Variants in INTS3 observed in about 807,000 individuals in gnomAD.
The protein encoded by INTS3 is SOSS complex subunit A.
INTS3 carries 34 observed loss-of-function variants against 146.3 expected under a neutral mutation model. That is an observed-to-expected ratio of 0.23 (90% CI 0.18 to 0.31). The LOEUF is 0.31. Ranked by LOEUF, INTS3 falls within the 10% of genes least tolerant of loss-of-function variation. The pLI, the probability that INTS3 is intolerant of heterozygous loss-of-function variation, is 1.00. For missense variants in INTS3, 757 were observed against 1,304.2 expected (o/e 0.58, Z 6.46); for synonymous variants, 475 against 494.9 (o/e 0.96, Z 0.53).
chr1:153,771,869 C>T lies in INTS3; in HGVS notation c.2626C>T (p.Leu876=). The change falls in exon 26 of 30, where the codon CTG becomes TTG. Residue 876 remains leucine (L), a synonymous_variant. Transcript: ENST00000318967. ...HPDDQFTTSI[L]RHWCMKHDEL... ...TGACGACCAGTTCACCACCAGCATCCTGCGGCACTGGTGCATGAAACATGA... is the reference window on the plus strand; with the variant it reads ...TGACGACCAGTTCACCACCAGCATCTTGCGGCACTGGTGCATGAAACATGA... 6.2e-7 allele frequency: 1 copy of T among 1,614,108 alleles called. No homozygotes were observed. Among genetic ancestry groups the T allele is most frequent in the Non-Finnish European group, 8.5e-7 (1 of 1,179,984 alleles).
intron 15 of INTS3, 139 bp downstream of exon 15, chr1:153,762,986 C>A: frequency 8.5e-7 from 1 of 1,182,202 alleles, no homozygotes. Flanking sequence ...CTGGATGAGA[C>A]TCCAGAATGC....
In INTS3 at chr1:153,773,377, T is replaced by TC; in HGVS notation, c.*111dup. On this transcript the variant is annotated 3_prime_UTR_variant, in exon 30 of 30. Coordinates refer to ENST00000318967, the MANE Select transcript of INTS3 (RefSeq NM_023015.5). ...TTGCAGGGGAAACACCCTTGCTGCA[T>TC]CCCCAAGCTCCCCCGGTGGAAGGAG... The TC allele has an allele frequency of 9.7e-7, 1 of 1,028,242 alleles. No homozygotes were observed. The highest frequency in any genetic ancestry group is 1.5e-6 in the Non-Finnish European group (1 of 661,480). 63.7% of individuals were successfully genotyped at this position (1,028,242 alleles called of 1,614,324 possible).
At chr1:153,737,680 G>T (rs1046489660) in intron 1 of INTS3, among the ~76,000 whole-genome samples, 1 of 152,116 alleles carries the variant, frequency 6.6e-6, no homozygotes, top group Non-Finnish European at 1.5e-5. Context: ...TGTATTTTTA[G>T]TAGAGACGGG....
chr1:153,754,817 A>G (rs1427441162), intron 9 of INTS3, 78 bp downstream of exon 9: 2 of 901,908 alleles, frequency 2.2e-6, no homozygotes, highest in Non-Finnish European at 3.8e-6. Context: ...AGCTGTTACC[A>G]TTGTTTACTA....
intron 3 of INTS3, among the ~76,000 whole-genome samples, chr1:153,742,508 G>GCA: frequency 6.7e-6 from 1 of 150,174 alleles, no homozygotes; most frequent in South Asian, 2.1e-4. Context: ...GTGTGTGTGT[G>GCA]CGTGCGCATC....
chr1:153,734,224 A>G (rs1671200651), intron 1 of INTS3, among the ~76,000 whole-genome samples: 1 of 152,196 alleles, frequency 6.6e-6, no homozygotes, highest in Non-Finnish European at 1.5e-5. Flanking sequence ...CTATGATTCT[A>G]TCTTTACTAA....
rs182612808 is a variant in INTS3, at chr1:153,756,994, G to A, written c.958-578G>A. On this transcript the variant is annotated intron_variant, in intron 9 of 29. Coordinates refer to ENST00000318967, the MANE Select transcript of INTS3 (RefSeq NM_023015.5). ...GGTTGATTTCTTCTGACAGTTGGGG[G>A]AATATAAGAAGAGGGAAACCAGATC... Among the ~76,000 whole-genome samples the A allele has an allele frequency of 3.3e-3, 506 of 152,216 alleles. 2 individuals are homozygous for A. Among genetic ancestry groups the A allele is most frequent in the African/African-American group, 0.01 (428 of 41,532 alleles).
At chr1:153,744,011 C>G (rs1232151456) in intron 3 of INTS3, among the ~76,000 whole-genome samples, 3 of 150,600 alleles carry the variant, frequency 2.0e-5, no homozygotes, top group Non-Finnish European at 2.9e-5. Flanking sequence ...CTCCACTTCT[C>G]TTTTCCTCAC....
At position 153,752,113 on chromosome 1, in the gene INTS3, C is replaced by T; in HGVS notation, c.730-166C>T. The stretch of plus-strand genomic sequence containing the variant: ...GTCCCCAGCTTCCAGCTCTCTTCCC[C>T]TGAACAGCTAGGAGCCAATCCTTTG... On this transcript the variant is annotated intron_variant, in intron 7 of 29. Transcript: ENST00000318967. The T allele has an allele frequency of 4.1e-6, 3 of 733,794 alleles. No homozygotes were observed. In the South Asian group the frequency reaches 4.9e-5, roughly 12 times the overall value. The allele number at this position is 733,794 out of a possible 1,614,324, so 45.5% of individuals were successfully genotyped here.
At position 153,744,322 on chromosome 1, in the gene INTS3, CA is replaced by C. The variant is rs541827682; in HGVS notation, c.319-2633del. Among the ~76,000 whole-genome samples the C allele has an allele frequency of 1.7e-3, 252 of 152,292 alleles. 3 individuals carry two copies. The highest frequency in any genetic ancestry group is 5.8e-3 in the African/African-American group (243 of 41,560). Reference sequence around the variant, plus strand: ...TGAGTCTGTTCTGCATTCATTTGAACAACAAGGTTCTTCTCTAGTTAGTAAT... The same window carrying C: ...TGAGTCTGTTCTGCATTCATTTGAACACAAGGTTCTTCTCTAGTTAGTAAT... On this transcript the variant is annotated intron_variant, in intron 3 of 29. Coordinates refer to ENST00000318967, the MANE Select transcript of INTS3 (RefSeq NM_023015.5).
intron 6 of INTS3, among the ~76,000 whole-genome samples, chr1:153,750,359 C>T (rs963554540): frequency 3.3e-5 from 5 of 152,206 alleles, no homozygotes; most frequent in Admixed American, 2.0e-4. Flanking sequence ...TTTAAAGCAA[C>T]TGGGAACAAA....
At chr1:153,749,274 T>C (rs1240562401) in intron 6 of INTS3, among the ~76,000 whole-genome samples, 1 of 152,134 alleles carries the variant, frequency 6.6e-6, no homozygotes, top group East Asian at 1.9e-4. Context: ...GGGGTACATA[T>C]TGGGCTTTCT....
At chr1:153,745,655 GAAA>G (rs79582507) in intron 3 of INTS3, among the ~76,000 whole-genome samples, 2 of 114,448 alleles carry the variant, frequency 1.7e-5, no homozygotes, top group East Asian at 2.6e-4. Context: ...GAGACAGAGT[GAAA>G]AAAAAAAAAA....
intron 21 of INTS3, among the ~76,000 whole-genome samples, chr1:153,768,289 C>T (rs973640154): frequency 2.6e-5 from 4 of 152,194 alleles, no homozygotes; most frequent in East Asian, 1.9e-4. Flanking sequence ...TAACAGGTAT[C>T]GGCCCTTTCT....
chr1:153,740,616 T>G (rs780385626), intron 1 of INTS3, 35 bp from the exon 2 acceptor site: 1 of 1,520,658 alleles, frequency 6.6e-7, no homozygotes, highest in Admixed American at 1.7e-5. Flanking sequence ...AGTGGTGTTA[T>G]GACACACTGT....
intron 5 of INTS3, 89 bp downstream of exon 5, chr1:153,747,452 A>T: frequency 1.0e-6 from 1 of 996,156 alleles, no homozygotes; most frequent in South Asian, 1.3e-5. Context: ...TGCCAAAGGG[A>T]TGGAATTCTT....
intron 3 of INTS3, chr1:153,746,756 G>A (rs1671761522): frequency 1.8e-6 from 1 of 552,136 alleles, no homozygotes; most frequent in Non-Finnish European, 3.2e-6. Context: ...TCCCCACTCT[G>A]TGTGACAGAA....
chr1:153,746,308 TGTGGCATCAAACA>T (rs1194515103), intron 3 of INTS3, among the ~76,000 whole-genome samples: 3 of 152,204 alleles, frequency 2.0e-5, no homozygotes, highest in Admixed American at 2.0e-4. Flanking sequence ...TTGCTCAGCC[TGTGGCATCAAACA>T]GTATGACACT....
At chr1:153,760,673 G>A in intron 12 of INTS3, 154 bp from the exon 13 acceptor site, 1 of 673,712 alleles carries the variant, frequency 1.5e-6, no homozygotes, top group Non-Finnish European at 2.6e-6. Context: ...TTTCTCATTT[G>A]AGTGGCCTGG....
Sources: allele counts gnomAD v4.1 joint callset (sites outside exome capture counted in the v4.1 genomes callset), GRCh38; gene constraint gnomAD v4.1.1; transcripts MANE v1.5; gene names NCBI Gene and HGNC (gene_info 2026-07-23, HGNC 2026-07-21).